DLC1: variants seen among roughly 807,000 people sequenced by gnomAD.
DLC1 encodes DLC1 Rho GTPase activating protein.
Under a neutral mutation model 140.3 loss-of-function variants are expected in DLC1, and 54 were observed. The ratio of observed to expected loss-of-function variants is 0.38; its 90% CI spans 0.31 to 0.48. The LOEUF (loss-of-function observed/expected upper bound fraction) is 0.48. Among genes scored for constraint, DLC1 ranks in the 20% least tolerant of loss-of-function variants. The pLI is 0.96. For missense variants in DLC1, 2,536 were observed against 1,907.0 expected (o/e 1.33, Z -6.14); for synonymous variants, 986 against 728.1 (o/e 1.35, Z -5.70).
At chr8:13,266,382 GA>G (rs1830689346) in intron 5 of DLC1, among the ~76,000 whole-genome samples, 1 of 152,132 alleles carries the variant, frequency 6.6e-6, no homozygotes, top group Non-Finnish European at 1.5e-5. Flanking sequence ...CCAACATAAA[GA>G]AAAAGGCCTA....
rs923842226 is a variant in DLC1, at chr8:13,586,036, T to A, written c.-126+18501A>T. On this transcript the variant is annotated intron_variant, in intron 1 of 1. Coordinates refer to the DLC1 transcript ENST00000631382. ...AAATAGACATTCAAGGGAATGATTC[T>A]CAACCATGGCTGCACATTATAATTA... Among the ~76,000 whole-genome samples, 8 of 152,184 alleles carry A rather than the reference T, an allele frequency of 5.3e-5. 1 individual carries two copies. The highest frequency in any genetic ancestry group is 1.0e-4 in the Non-Finnish European group (7 of 68,030).
At chr8:13,552,600 C>A (rs1163078722) in intron 1 of DLC1, among the ~76,000 whole-genome samples, 1 of 151,228 alleles carries the variant, frequency 6.6e-6, no homozygotes, top group South Asian at 2.1e-4. Context: ...AATTAAAGAC[C>A]ACTGTTCTAT....
At chr8:13,096,827 A>G (rs1256443804) in intron 10 of DLC1, among the ~76,000 whole-genome samples, 2 of 152,206 alleles carry the variant, frequency 1.3e-5, no homozygotes, top group Non-Finnish European at 2.9e-5. Flanking sequence ...TACTAATGAA[A>G]TGGGCGGCTT....
intron 2 of DLC1, among the ~76,000 whole-genome samples, chr8:13,480,082 A>G (rs1800651829): frequency 6.6e-6 from 1 of 152,034 alleles, no homozygotes; most frequent in African/African-American, 2.4e-5. Context: ...CAAACAAAAC[A>G]ACTTATTTAC....
chr8:13,566,887 C>A, intron 1 of DLC1: 1 of 1,390,358 alleles, frequency 7.2e-7, no homozygotes, highest in Non-Finnish European at 9.5e-7. Context: ...CTCCGCAGAG[C>A]TGATGGCATT....
intron 4 of DLC1, among the ~76,000 whole-genome samples, chr8:13,359,812 G>T (rs1729152): frequency 3.9e-5 from 6 of 152,014 alleles, no homozygotes; most frequent in African/African-American, 1.4e-4. Flanking sequence ...AAAGTTAAGC[G>T]ATGAGATGTG....
At chr8:13,517,562 G>A (rs913320845), upstream of DLC1, among the ~76,000 whole-genome samples, 1 of 152,172 alleles carries the variant, frequency 6.6e-6, no homozygotes, top group Non-Finnish European at 1.5e-5. Context: ...AAATATGAGT[G>A]TAAAGATAAA....
chr8:13,360,452 C>A (rs957747638), intron 4 of DLC1, among the ~76,000 whole-genome samples: 1 of 152,198 alleles, frequency 6.6e-6, no homozygotes, highest in Non-Finnish European at 1.5e-5. Context: ...CCCATTTCCT[C>A]TACTAGTAGT....
intron 5 of DLC1, among the ~76,000 whole-genome samples, chr8:13,187,582 G>A (rs755424347): frequency 9.2e-5 from 14 of 152,132 alleles, no homozygotes; most frequent in Admixed American, 2.0e-4. Flanking sequence ...TAGAGGAGAC[G>A]CAGAGAAAGA....
At chr8:13,471,705 A>T (rs1800216609) in intron 2 of DLC1, among the ~76,000 whole-genome samples, 1 of 152,072 alleles carries the variant, frequency 6.6e-6, no homozygotes, top group Non-Finnish European at 1.5e-5. Context: ...AAAAAGAGAG[A>T]AGGGAGAGAG....
chr8:13,356,762 A>T (rs1260922443), intron 4 of DLC1, among the ~76,000 whole-genome samples: 1 of 152,246 alleles, frequency 6.6e-6, no homozygotes, highest in Non-Finnish European at 1.5e-5. Flanking sequence ...TAAATTACAC[A>T]TCAATAACAG....
Position 13,453,515 on chromosome 8 carries a change from CATAT to C in DLC1, c.1023+45530_1023+45533del, listed in dbSNP as rs1339025396. Among the ~76,000 whole-genome samples, 115 of 23,300 alleles carry C rather than the reference CATAT, an allele frequency of 4.9e-3. 4 individuals carry two copies. The highest frequency in any genetic ancestry group is 9.1e-3 in the East Asian group (9 of 988). The allele number at this position is 23,300 out of a possible 152,430, so 15.3% of individuals were successfully genotyped here. A position where few individuals can be genotyped will look rare whatever the true frequency, so the allele number is the denominator to read the frequency against. On this transcript the variant is annotated intron_variant, in intron 2 of 17. Coordinates refer to ENST00000276297, the MANE Select transcript of DLC1 (RefSeq NM_182643.3). ...ACATATATATATGTATATATATATA[CATAT>C]ATATATATGTATATATATACATATA...
At chr8:13,331,453 C>T (rs1833585448) in intron 4 of DLC1, among the ~76,000 whole-genome samples, 1 of 152,084 alleles carries the variant, frequency 6.6e-6, no homozygotes, top group South Asian at 2.1e-4. Flanking sequence ...TAAAGAACTT[C>T]CAAGTTGAGG....
chr8:13,482,169 T>C (rs75557539), intron 2 of DLC1, among the ~76,000 whole-genome samples: 5,246 of 152,286 alleles, frequency 0.034, 296 homozygotes, highest in African/African-American at 0.12. Context: ...TCAAAGAATA[T>C]TTGTTAAATG....
intron 1 of DLC1, among the ~76,000 whole-genome samples, chr8:13,552,362 G>A (rs568849085): frequency 1.0e-4 from 15 of 150,010 alleles, no homozygotes; most frequent in Admixed American, 5.3e-4. Context: ...ATGAAAATTG[G>A]ATTTGCCAGT....
intron 2 of DLC1, among the ~76,000 whole-genome samples, chr8:13,405,556 C>A (rs1374768122): frequency 6.6e-6 from 1 of 152,290 alleles, no homozygotes; most frequent in South Asian, 2.1e-4. Context: ...AAAGTCGAGA[C>A]TAGAGCCTGG....
At chr8:13,452,215 C>G (rs1340017481) in intron 2 of DLC1, among the ~76,000 whole-genome samples, 1 of 150,830 alleles carries the variant, frequency 6.6e-6, no homozygotes, top group Non-Finnish European at 1.5e-5. Flanking sequence ...TTATATATAT[C>G]TTTATGAATA....
In DLC1 at chr8:13,138,391, C is replaced by G. The variant is rs563052868; in HGVS notation, c.1349-22734G>C. 5.9e-4 allele frequency among the ~76,000 whole-genome samples: 90 copies of G among 152,296 alleles called. 2 individuals carry two copies. The South Asian group carries it at 0.018, about 31-fold the overall frequency. Reference sequence around the variant, plus strand: ...TAATTTTAAAAAATGGAAATCCATTCCACTTAATTTTAACTTTGGGCTTTA... The same window carrying G: ...TAATTTTAAAAAATGGAAATCCATTGCACTTAATTTTAACTTTGGGCTTTA... On this transcript the variant is annotated intron_variant, in intron 5 of 17. Transcript: ENST00000276297.
intron 15 of DLC1, among the ~76,000 whole-genome samples, chr8:13,089,210 T>C (rs1817831895): frequency 6.6e-6 from 1 of 151,130 alleles, no homozygotes; most frequent in African/African-American, 2.4e-5. Flanking sequence ...TGAGCTGAGA[T>C]CACACCACTG....
Sources: gnomAD v4.1 joint callset for allele counts (sites outside exome capture counted in the v4.1 genomes callset) on GRCh38, gnomAD v4.1.1 for gene constraint, MANE v1.5 for transcripts, NCBI Gene and HGNC (gene_info 2026-07-23, HGNC 2026-07-21) for gene names.